ABI3BP: variants seen among roughly 807,000 people sequenced by gnomAD.
ABI3BP encodes ABI family member 3 binding protein.
A neutral mutation model predicts 268.6 loss-of-function variants in ABI3BP; 216 were observed. The ratio of observed to expected loss-of-function variants is 0.80; its 90% CI spans 0.72 to 0.90. ABI3BP has a LOEUF of 0.90. Among genes scored for constraint, ABI3BP ranks in the 40% least tolerant of loss-of-function variants. ABI3BP has a pLI of 0.00. For missense variants in ABI3BP, 2,090 were observed against 2,182.4 expected, an observed-to-expected ratio of 0.96 and a Z score of 0.84; for synonymous variants, 730 against 730.0, an observed-to-expected ratio of 1.00 and a Z score of 0.00.
chr3:100,806,784 AATCT>A (rs2097721207), intron 50 of ABI3BP, among the ~76,000 whole-genome samples: 1 of 152,056 alleles, frequency 6.6e-6, no homozygotes, highest in Non-Finnish European at 1.5e-5. Flanking sequence ...TGAGGATGTG[AATCT>A]ATCTATTCTG....
At chr3:100,869,326 TTTGG>T in intron 9 of ABI3BP, among the ~76,000 whole-genome samples, 2 of 119,294 alleles carry the variant, frequency 1.7e-5, no homozygotes, top group African/African-American at 7.1e-5. Context: ...TCTTCTTCTT[TTTGG>T]TTTTTTTTTT....
chr3:100,822,353 T>A (rs1027702308), intron 38 of ABI3BP, among the ~76,000 whole-genome samples: 2 of 152,212 alleles, frequency 1.3e-5, no homozygotes, highest in African/African-American at 4.8e-5. Flanking sequence ...TGGAAGTTAA[T>A]AAAATGCACA....
chr3:100,750,913 T>C (rs1432549371), intron 67 of ABI3BP, among the ~76,000 whole-genome samples: 2 of 152,180 alleles, frequency 1.3e-5, no homozygotes, highest in Non-Finnish European at 2.9e-5. Flanking sequence ...GTATTGTTGG[T>C]ATTTTTAAGT....
At chr3:100,821,363 T>C (rs1016589571) in intron 38 of ABI3BP, among the ~76,000 whole-genome samples, 2 of 152,174 alleles carry the variant, frequency 1.3e-5, no homozygotes, top group Admixed American at 1.3e-4. Context: ...ACTATGTAGG[T>C]ATTGCTAAGA....
intron 1 of ABI3BP, among the ~76,000 whole-genome samples, chr3:100,973,404 A>G (rs1331979854): frequency 6.6e-6 from 1 of 152,206 alleles, no homozygotes; most frequent in Non-Finnish European, 1.5e-5. Context: ...ATAAAACATT[A>G]CTACTGCAAA....
chr3:100,894,584 A>G (rs930005099), intron 4 of ABI3BP, among the ~76,000 whole-genome samples: 1 of 152,140 alleles, frequency 6.6e-6, no homozygotes, highest in Non-Finnish European at 1.5e-5. Flanking sequence ...TGGGGGCGGA[A>G]AAAAGGCAAG....
chr3:100,874,299 T>C (rs138238054), intron 9 of ABI3BP, among the ~76,000 whole-genome samples: 179 of 152,348 alleles, frequency 1.2e-3, no homozygotes, highest in African/African-American at 4.0e-3. Flanking sequence ...CCTAATTTGA[T>C]ACTTAAATGC....
intron 32 of ABI3BP, among the ~76,000 whole-genome samples, chr3:100,829,889 C>A (rs141138401): frequency 6.6e-6 from 1 of 151,374 alleles, no homozygotes; most frequent in Non-Finnish European, 1.5e-5. Flanking sequence ...GAGCTTCTCA[C>A]AGGGATTCCT....
chr3:100,799,615 A>G (rs765378272), intron 51 of ABI3BP, among the ~76,000 whole-genome samples: 3 of 151,710 alleles, frequency 2.0e-5, no homozygotes, highest in Admixed American at 2.0e-4. Context: ...GCCATTGCCA[A>G]CCTTCTCTTC....
Position 100,902,613 on chromosome 3 carries a change from T to C in ABI3BP, c.328+5A>G. 1 of 1,613,574 alleles carries C rather than the reference T, an allele frequency of 6.2e-7. No homozygotes were observed. Among genetic ancestry groups the C allele is most frequent in the Non-Finnish European group, 8.5e-7 (1 of 1,179,526 alleles). The stretch of plus-strand genomic sequence containing the variant: ...AGAAAAAGAATTCAATGCAAAGGAC[T>C]ATACCTGAACATGACTTCTTTTGAC... On this transcript the variant is annotated splice_donor_5th_base_variant and intron_variant, in intron 3 of 67. Transcript: ENST00000471714.
At chr3:100,894,559 C>T (rs777816242) in intron 4 of ABI3BP, among the ~76,000 whole-genome samples, 3 of 152,040 alleles carry the variant, frequency 2.0e-5, no homozygotes, top group Non-Finnish European at 2.9e-5. Context: ...TGAAGATACT[C>T]GCTTCTTACA....
chr3:100,971,114 C>A (rs2083391713), intron 1 of ABI3BP, among the ~76,000 whole-genome samples: 1 of 152,162 alleles, frequency 6.6e-6, no homozygotes, highest in African/African-American at 2.4e-5. Context: ...CCTCAGCATG[C>A]CTCGCAAGTG....
chr3:100,954,051 G>C (rs118109415), intron 1 of ABI3BP, among the ~76,000 whole-genome samples: 1 of 151,996 alleles, frequency 6.6e-6, no homozygotes, highest in Admixed American at 6.6e-5. Flanking sequence ...TGTAACAAAG[G>C]TCCAGATACA....
intron 51 of ABI3BP, among the ~76,000 whole-genome samples, chr3:100,797,110 GTA>G (rs2097368521): frequency 6.6e-6 from 1 of 151,986 alleles, no homozygotes; most frequent in Non-Finnish European, 1.5e-5. Flanking sequence ...GTGGCTTCCA[GTA>G]TATTAGGTGT....
intron 4 of ABI3BP, among the ~76,000 whole-genome samples, chr3:100,890,522 C>G (rs545760832): frequency 1.3e-5 from 2 of 152,058 alleles, no homozygotes; most frequent in Non-Finnish European, 2.9e-5. Context: ...CGGACCTTCC[C>G]GAGTCTAAAA....
intron 1 of ABI3BP, among the ~76,000 whole-genome samples, chr3:100,935,010 T>C (rs1448631560): frequency 6.6e-6 from 1 of 152,192 alleles, no homozygotes. Context: ...TTCTGGCTTT[T>C]GTTGCCATTG....
chr3:100,963,074 T>A (rs1388979578), intron 1 of ABI3BP, among the ~76,000 whole-genome samples: 1 of 152,204 alleles, frequency 6.6e-6, no homozygotes, highest in Non-Finnish European at 1.5e-5. Context: ...CCAGTGGTAA[T>A]ACTTATTCTG....
intron 42 of ABI3BP, among the ~76,000 whole-genome samples, chr3:100,817,220 T>C (rs567460612): frequency 6.6e-6 from 1 of 152,314 alleles, no homozygotes; most frequent in Admixed American, 6.5e-5. Context: ...CATGGTAGAC[T>C]CTGAACTAGG....
chr3:100,804,459 C>T (rs561301104), intron 51 of ABI3BP, among the ~76,000 whole-genome samples: 1 of 152,186 alleles, frequency 6.6e-6, no homozygotes, highest in South Asian at 2.1e-4. Flanking sequence ...TGGGGGAGAA[C>T]AAAAGTCTTT....
Sources: gnomAD v4.1 joint callset for allele counts (sites outside exome capture counted in the v4.1 genomes callset) on GRCh38, gnomAD v4.1.1 for gene constraint, MANE v1.5 for transcripts, NCBI Gene and HGNC (gene_info 2026-07-23, HGNC 2026-07-21) for gene names.